The following CYB5RL variants were observed in gnomAD, a reference collection of about 807,000 sequenced individuals.
CYB5RL encodes NADH-cytochrome b5 reductase-like.
Under a neutral mutation model 37.5 loss-of-function variants are expected in CYB5RL, and 38 were observed. The observed-to-expected ratio is 1.01, with a 90% CI of 0.78 to 1.33. The LOEUF is 1.33. Among genes scored for constraint, CYB5RL ranks in the 40% most tolerant of loss-of-function variants. The pLI is 0.00. For synonymous variants in CYB5RL, 141 were observed against 151.9 expected (o/e 0.93, Z 0.53); for missense variants, 388 against 394.4 (o/e 0.98, Z 0.14).
intron 3 of CYB5RL, among the ~76,000 whole-genome samples, chr1:54,191,544 C>A (rs1195875735): frequency 6.6e-6 from 1 of 152,174 alleles, no homozygotes; most frequent in Admixed American, 6.5e-5. Flanking sequence ...TCCACCCCAA[C>A]CTGCATCTCC....
intron 3 of CYB5RL, 22 bp from the exon 4 acceptor site, chr1:54,190,918 C>T (rs1437732410): frequency 1.1e-5 from 17 of 1,606,950 alleles, no homozygotes; most frequent in Non-Finnish European, 1.4e-5. Context: ...AGAGATCCAA[C>T]AGCTAGAGGC....
rs1557715707 is a variant in CYB5RL, at chr1:54,172,472, G to C, written c.*2147C>G. ...TTACAGGCATGAGCCACCGTGTCCG[G>C]CAACACTCTTAATATGAGTGACTTC... On this transcript the variant is annotated 3_prime_UTR_variant, in exon 8 of 8. Coordinates refer to ENST00000534324, the MANE Select transcript of CYB5RL (RefSeq NM_001031672.4). 1.3e-5 allele frequency: 2 copies of C among 151,294 alleles called. No homozygotes were observed. The highest frequency in any genetic ancestry group is 3.9e-4 in the East Asian group (2 of 5,140). 9.4% of individuals were successfully genotyped at this position (151,294 alleles called of 1,614,324 possible).
chr1:54,181,321 G>T (rs1248684049), intron 6 of CYB5RL, among the ~76,000 whole-genome samples: 1 of 152,180 alleles, frequency 6.6e-6, no homozygotes, highest in Non-Finnish European at 1.5e-5. Context: ...CTGTGTGTCT[G>T]ACTCCCCCAG....
At chr1:54,180,552 T>G (rs1406694815) in intron 6 of CYB5RL, among the ~76,000 whole-genome samples, 1 of 147,600 alleles carries the variant, frequency 6.8e-6, no homozygotes, top group African/African-American at 2.5e-5. Flanking sequence ...TGCAGTGAGC[T>G]GAGATCGCGC....
intron 6 of CYB5RL, 107 bp downstream of exon 6, chr1:54,184,054 G>A (rs951042420): frequency 2.4e-6 from 2 of 840,060 alleles, no homozygotes; most frequent in Non-Finnish European, 3.8e-6. Context: ...ATACACCTGG[G>A]ATTGTGTTTG....
In CYB5RL at chr1:54,187,745, A is replaced by G. The variant is rs1643915776; in HGVS notation, c.348-6T>C. The G allele has an allele frequency of 6.2e-7, 1 of 1,613,338 alleles. No homozygotes were observed. Among genetic ancestry groups the G allele is most frequent in the African/African-American group, 1.3e-5 (1 of 75,032 alleles). On this transcript the variant is annotated splice_region_variant and splice_polypyrimidine_tract_variant and intron_variant, in intron 4 of 7. Coordinates refer to ENST00000534324, the MANE Select transcript of CYB5RL (RefSeq NM_001031672.4). ...CTAAGTCATCTACTATCCCTCTGAG[A>G]AACAGAAGTGTGCAGTCAGTCAGCC... is the stretch of plus-strand genomic sequence containing the variant.
intron 3 of CYB5RL, among the ~76,000 whole-genome samples, chr1:54,193,241 T>C (rs1314227598): frequency 6.6e-6 from 1 of 152,246 alleles, no homozygotes; most frequent in Non-Finnish European, 1.5e-5. Flanking sequence ...CAGGAACTAC[T>C]CAAGGTGCTG....
rs544829606 is a variant in CYB5RL at position 54,179,688 on chromosome 1, G to A, written c.541-336C>T. Among the ~76,000 whole-genome samples the A allele has an allele frequency of 1.1e-4, 16 of 152,258 alleles. No homozygotes were observed. In the East Asian group the frequency reaches 3.1e-3, roughly 29 times the overall value. ...GACAGGGGGCTCATTACTTCCCAAG[G>A]CAGTTTGCTCTACTGTAGGCCAAAT... On this transcript the variant is annotated intron_variant, in intron 6 of 7. Coordinates refer to ENST00000534324, the MANE Select transcript of CYB5RL (RefSeq NM_001031672.4).
At position 54,172,331 on chromosome 1, in the gene CYB5RL, T is replaced by C. The variant is rs1274567648; in HGVS notation, c.*2288A>G. On this transcript the variant is annotated 3_prime_UTR_variant, in exon 8 of 8. Coordinates refer to ENST00000534324, the MANE Select transcript of CYB5RL (RefSeq NM_001031672.4). ...ACAGGCGCATACCACCACATAAGGT[T>C]AATCTTTTTTTTTTTTTTTTTTTTG... 7.6e-6 allele frequency: 1 copy of C among 131,174 alleles called. No homozygotes were observed. Among genetic ancestry groups the C allele is most frequent in the Non-Finnish European group, 1.6e-5 (1 of 62,738 alleles). The allele number at this position is 131,174 out of a possible 1,614,324, so 8.1% of individuals were successfully genotyped here.
intron 1 of CYB5RL, among the ~76,000 whole-genome samples, chr1:54,196,821 C>A (rs1170911665): frequency 6.6e-6 from 1 of 152,180 alleles, no homozygotes; most frequent in Non-Finnish European, 1.5e-5. Flanking sequence ...GTTCTTCAAT[C>A]ACAGGAAACA....
intron 3 of CYB5RL, among the ~76,000 whole-genome samples, chr1:54,192,181 AT>A (rs11302690): frequency 0.74 from 81,603 of 110,848 alleles, 29,540 homozygotes; most frequent in East Asian, 0.85. Flanking sequence ...CTGTTTGCAA[AT>A]TTTTTTTTTT....
intron 7 of CYB5RL, among the ~76,000 whole-genome samples, chr1:54,177,692 C>T (rs993957249): frequency 1.3e-5 from 2 of 152,168 alleles, no homozygotes; most frequent in Non-Finnish European, 2.9e-5. Flanking sequence ...GTATAAGCCT[C>T]ATAAGATTGT....
intron 3 of CYB5RL, among the ~76,000 whole-genome samples, chr1:54,193,052 G>C (rs1643971194): frequency 6.6e-6 from 1 of 152,216 alleles, no homozygotes; most frequent in Non-Finnish European, 1.5e-5. Context: ...ACCGTGCCTG[G>C]CCAAGTAACC....
intron 7 of CYB5RL, among the ~76,000 whole-genome samples, chr1:54,178,144 A>T (rs528639546): frequency 3.1e-4 from 47 of 152,340 alleles, no homozygotes; most frequent in African/African-American, 1.1e-3. Flanking sequence ...CCCCATGGAC[A>T]GGCCTGCAGA....
At chr1:54,187,003 G>A (rs959942610) in intron 5 of CYB5RL, among the ~76,000 whole-genome samples, 2 of 152,016 alleles carry the variant, frequency 1.3e-5, no homozygotes, top group Non-Finnish European at 2.9e-5. Flanking sequence ...TGTGTATTAG[G>A]TTGACCCACA....
chr1:54,195,592 C>T lies in CYB5RL; in HGVS notation c.25G>A (p.Asp9Asn), dbSNP rs371892796. 37 of 1,611,664 alleles carry T rather than the reference C, an allele frequency of 2.3e-5. No homozygotes were observed. In the African/African-American group the frequency reaches 2.9e-4, roughly 13 times the overall value. Residue 9 changes from aspartate (D) to asparagine (N), a missense_variant, in exon 3 of 8, where the codon GAC becomes AAC. Transcript: ENST00000534324. Reference sequence around the variant, plus strand: ...TGCATCCAGGCTTCCTCAGTGTCGTCGTCCTCTTCCCTCTCAGCCATCATC... The same window carrying T: ...TGCATCCAGGCTTCCTCAGTGTCGTTGTCCTCTTCCCTCTCAGCCATCATC... The part of the protein sequence containing the change: MMAEREED[D>N]DTEEAWMQLR...
At position 54,195,443 on chromosome 1, in the gene CYB5RL, G is replaced by C; in HGVS notation, c.174C>G (p.Ser58Arg). 1 of 1,606,392 alleles carries C rather than the reference G, an allele frequency of 6.2e-7. No homozygotes were observed. Among genetic ancestry groups the C allele is most frequent in the Non-Finnish European group, 8.5e-7 (1 of 1,174,674 alleles). Residue 58 changes from serine to arginine, a missense_variant, in exon 3 of 8, where the codon AGC becomes AGG. Transcript: ENST00000534324. ...WEAAQASKDR[S>R]LLRGPESQSC... ...CCTGTGACTCTGGCCCACGCAGCAG[G>C]CTCCTGTCCTTGCTGGCTTGGGCTG...
At chr1:54,191,767 C>T (rs960710217) in intron 3 of CYB5RL, among the ~76,000 whole-genome samples, 1 of 152,214 alleles carries the variant, frequency 6.6e-6, no homozygotes, top group Non-Finnish European at 1.5e-5. Flanking sequence ...CTCCACTGTG[C>T]CCCTTCCCAC....
intron 5 of CYB5RL, among the ~76,000 whole-genome samples, chr1:54,187,386 G>C (rs994476760): frequency 2.0e-5 from 3 of 152,122 alleles, no homozygotes; most frequent in Non-Finnish European, 4.4e-5. Context: ...CCCCGGTTCT[G>C]CCCACCTCCC....
Sources: gnomAD v4.1 joint callset for allele counts (sites outside exome capture counted in the v4.1 genomes callset) on GRCh38, gnomAD v4.1.1 for gene constraint, MANE v1.5 for transcripts, NCBI Gene and HGNC (gene_info 2026-07-23, HGNC 2026-07-21) for gene names.